The following PSMD14 variants were observed in gnomAD, a reference collection of about 807,000 sequenced individuals.
The protein encoded by PSMD14 is ubiquitin C-terminal hydrolase PSMD14.
A neutral mutation model predicts 41.2 loss-of-function variants in PSMD14; 7 were observed. The observed-to-expected ratio is 0.17, with a 90% confidence interval of 0.10 to 0.32. The LOEUF (loss-of-function observed/expected upper bound fraction) is 0.32, where lower values mean the gene tolerates loss of function less well. Among genes scored for constraint, PSMD14 ranks in the 10% least tolerant of loss-of-function variants. PSMD14 has a pLI of 1.00. For synonymous variants in PSMD14, 114 were observed against 122.3 expected, an observed-to-expected ratio of 0.93 and a Z score of 0.45; for missense variants, 139 against 375.6, an observed-to-expected ratio of 0.37 and a Z score of 5.21.
Position 161,385,537 on chromosome 2 carries a change from C to T in PSMD14, c.536C>T (p.Ser179Leu). ...GGACATGAACCAAGACAAACAACTT[C>T]GAATCTGGGTCACTTAAACAAGCCA... Reference protein sequence around the residue: ...VLGHEPRQTTSNLGHLNKPSI... With the variant: ...VLGHEPRQTTLNLGHLNKPSI... Residue 179 changes from serine (S) to leucine (L), a missense_variant, in exon 8 of 12, where the codon TCG (serine) becomes TTG (leucine). By Grantham distance (145) the Ser-to-Leu change is moderately radical. This residue lies in a region of PSMD14 where 35 missense variants were observed against 162.9 expected (regional missense o/e 0.21). Transcript: ENST00000409682. 6.2e-7 allele frequency: 1 copy of T among 1,607,698 alleles called. No homozygotes were observed. The highest frequency in any genetic ancestry group is 8.5e-7 in the Non-Finnish European group (1 of 1,175,392).
At chr2:161,329,788 C>T (rs1031483681) in intron 3 of PSMD14, among the ~76,000 whole-genome samples, 3 of 151,900 alleles carry the variant, frequency 2.0e-5, no homozygotes, top group African/African-American at 7.3e-5. Flanking sequence ...GATATTTATA[C>T]GATAGAAAAT....
At chr2:161,391,331 G>T (rs1486723094) in intron 9 of PSMD14, among the ~76,000 whole-genome samples, 153 bp downstream of exon 9, 1 of 152,042 alleles carries the variant, frequency 6.6e-6, no homozygotes, top group African/African-American at 2.4e-5. Flanking sequence ...CAAAATAAGG[G>T]AATATTTTAT....
chr2:161,331,663 C>G (rs867962592), intron 3 of PSMD14, among the ~76,000 whole-genome samples: 1 of 152,074 alleles, frequency 6.6e-6, no homozygotes. Flanking sequence ...CAGTCAGATA[C>G]TGTGAATAGG....
chr2:161,312,344 A>G (rs902670426), intron 1 of PSMD14, among the ~76,000 whole-genome samples: 1 of 152,066 alleles, frequency 6.6e-6, no homozygotes, highest in African/African-American at 2.4e-5. Flanking sequence ...GGGTTTTGCC[A>G]TGTTGGCCAG....
intron 2 of PSMD14, among the ~76,000 whole-genome samples, chr2:161,317,153 TTAAA>T (rs751551292): frequency 6.6e-5 from 10 of 152,162 alleles, no homozygotes; most frequent in Non-Finnish European, 1.2e-4. Context: ...TTTTTAGCCT[TTAAA>T]AAGTGCTGTG....
intron 3 of PSMD14, among the ~76,000 whole-genome samples, chr2:161,320,713 ATTAT>A (rs1055839191): frequency 4.0e-5 from 6 of 151,738 alleles, no homozygotes; most frequent in Non-Finnish European, 8.8e-5. Flanking sequence ...AATGTTGTTT[ATTAT>A]TTATTTATTT....
chr2:161,387,716 C>T (rs927192898), intron 8 of PSMD14, among the ~76,000 whole-genome samples: 2 of 151,896 alleles, frequency 1.3e-5, no homozygotes, highest in Admixed American at 1.3e-4. Context: ...GCATTGGTTA[C>T]CTTTGGATGG....
At chr2:161,394,357 T>C (rs1683761950) in intron 9 of PSMD14, among the ~76,000 whole-genome samples, 1 of 152,158 alleles carries the variant, frequency 6.6e-6, no homozygotes, top group South Asian at 2.1e-4. Flanking sequence ...AAATTATAGA[T>C]GGAATACCAG....
At chr2:161,311,257 T>C (rs1689083852) in intron 1 of PSMD14, among the ~76,000 whole-genome samples, 1 of 151,904 alleles carries the variant, frequency 6.6e-6, no homozygotes, top group Middle Eastern at 3.2e-3. Context: ...TTCAGTGAGC[T>C]GAGATTGCGA....
chr2:161,325,237 G>A (rs898978372), intron 3 of PSMD14, among the ~76,000 whole-genome samples: 7 of 152,050 alleles, frequency 4.6e-5, no homozygotes, highest in African/African-American at 1.7e-4. Flanking sequence ...AATACTGTGG[G>A]TTAGTGATCC....
intron 10 of PSMD14, among the ~76,000 whole-genome samples, chr2:161,400,671 A>G (rs1486938046): frequency 6.6e-6 from 1 of 152,148 alleles, no homozygotes; most frequent in African/African-American, 2.4e-5. Context: ...CTCCTGCCTC[A>G]GCCCCCCAAG....
chr2:161,321,204 A>G (rs747615586), intron 3 of PSMD14, among the ~76,000 whole-genome samples: 14 of 152,188 alleles, frequency 9.2e-5, no homozygotes, highest in Non-Finnish European at 1.3e-4. Flanking sequence ...TTCCCTCCCA[A>G]ATAGGAGCAG....
chr2:161,328,135 G>A (rs1260067689), intron 3 of PSMD14, among the ~76,000 whole-genome samples: 2 of 152,098 alleles, frequency 1.3e-5, no homozygotes, highest in South Asian at 2.1e-4. Context: ...AGTTGAAAAT[G>A]ACCAAAATTC....
At chr2:161,398,003 C>T (rs957709992) in intron 10 of PSMD14, among the ~76,000 whole-genome samples, 2 of 152,116 alleles carry the variant, frequency 1.3e-5, no homozygotes, top group African/African-American at 2.4e-5. Context: ...TAACATTACA[C>T]GTTTAAGTAA....
chr2:161,397,464 TAGA>T (rs563028795), intron 10 of PSMD14, among the ~76,000 whole-genome samples: 47 of 152,068 alleles, frequency 3.1e-4, no homozygotes, highest in African/African-American at 1.1e-3. Context: ...TAGGTAGAAG[TAGA>T]AGGATTGAGG....
At chr2:161,362,508 G>A (rs1351200078) in intron 3 of PSMD14, among the ~76,000 whole-genome samples, 1 of 152,160 alleles carries the variant, frequency 6.6e-6, no homozygotes, top group Non-Finnish European at 1.5e-5. Context: ...GGATGCTCAA[G>A]TGGATCTTTT....
chr2:161,319,119 A>G (rs1689175470), intron 3 of PSMD14: 4 of 339,564 alleles, frequency 1.2e-5, no homozygotes, highest in South Asian at 2.3e-4. Flanking sequence ...AAATTTTGAG[A>G]TATGTAGGAT....
intron 6 of PSMD14, among the ~76,000 whole-genome samples, chr2:161,370,615 C>A (rs1683418637): frequency 6.6e-6 from 1 of 152,116 alleles, no homozygotes; most frequent in Non-Finnish European, 1.5e-5. Context: ...CAGACCAAAT[C>A]TCTCAATAGT....
At chr2:161,341,234 C>T in intron 3 of PSMD14, 8 of 983,834 alleles carry the variant, frequency 8.1e-6, no homozygotes, top group Non-Finnish European at 9.6e-6. Flanking sequence ...GGCTCGCGGC[C>T]GCCCCACGCC....
Sources: gnomAD v4.1 joint callset for allele counts (sites outside exome capture counted in the v4.1 genomes callset) on GRCh38, gnomAD v4.1.1 for gene constraint, gnomAD v4.1.1 regional missense constraint, MANE v1.5 for transcripts, NCBI Gene and HGNC (gene_info 2026-07-23, HGNC 2026-07-21) for gene names.